Variants in BCL9L observed in about 807,000 individuals in gnomAD.
BCL9L encodes the protein BCL9 like.
BCL9L carries 19 observed loss-of-function variants against 99.4 expected under a neutral mutation model. That is an observed-to-expected ratio of 0.19 (90% confidence interval 0.13 to 0.28). The LOEUF (loss-of-function observed/expected upper bound fraction) is 0.28. Ranked by LOEUF, BCL9L falls within the 10% of genes least tolerant of loss-of-function variation. BCL9L has a pLI of 1.00. For missense variants in BCL9L, 2,023 were observed against 2,101.6 expected, an observed-to-expected ratio of 0.96 and a Z score of 0.73; for synonymous variants, 900 against 854.8, an observed-to-expected ratio of 1.05 and a Z score of -0.92.
At chr11:118,905,773 T>C (rs1043968731) in intron 5 of BCL9L, among the ~76,000 whole-genome samples, 16 of 152,140 alleles carry the variant, frequency 1.1e-4, no homozygotes, top group African/African-American at 3.6e-4. Context: ...GCCGAGTTCG[T>C]GCCATTGCAC....
At chr11:118,916,135 C>A (rs1166809365) in intron 2 of BCL9L, among the ~76,000 whole-genome samples, 1 of 152,226 alleles carries the variant, frequency 6.6e-6, no homozygotes. Context: ...ATGGCCCAGG[C>A]AGACCCTGAG....
At chr11:118,913,518 C>A (rs1940873243) in intron 2 of BCL9L, among the ~76,000 whole-genome samples, 1 of 152,144 alleles carries the variant, frequency 6.6e-6, no homozygotes, top group African/African-American at 2.4e-5. Context: ...GTGGGGTGCC[C>A]CCAAAGACAG....
rs1268089217 is a variant in BCL9L at position 118,922,066 on chromosome 11, A to C, written c.-131+3172T>G. On this transcript the variant is annotated intron_variant, in intron 1 of 9. Transcript: ENST00000683865. The surrounding 1 kb of genome is among the most constrained non-coding windows in gnomAD (Gnocchi z 6.2). The stretch of plus-strand genomic sequence containing the variant: ...GGCAGTGTAACACATGCCCACACCC[A>C]GGAAGTCGCCCCTCCCACGGCAGCC... Among the ~76,000 whole-genome samples the C allele has an allele frequency of 6.6e-6, 1 of 151,954 alleles. No individual in the cohort carries two copies. The highest frequency in any genetic ancestry group is 1.5e-5 in the Non-Finnish European group (1 of 67,958).
At chr11:118,918,003 C>T (rs552884450) in intron 2 of BCL9L, among the ~76,000 whole-genome samples, 1 of 152,340 alleles carries the variant, frequency 6.6e-6, no homozygotes, top group East Asian at 1.9e-4. Context: ...GCCAATGCTC[C>T]CCATCTCTTT....
rs143065470 is a variant in BCL9L at position 118,898,948 on chromosome 11, C to T, written c.3967G>A (p.Glu1323Lys). 1.4e-5 allele frequency: 23 copies of T among 1,612,374 alleles called. No individual in the cohort carries two copies. The highest frequency in any genetic ancestry group is 3.3e-5 in the South Asian group (3 of 90,962). The change falls in exon 10 of 10, where the codon GAG becomes AAG. Residue 1323 changes from glutamate to lysine, a missense_variant. Around this residue, in one of 3 missense-constraint regions of BCL9L, gnomAD observed 902 missense variants for 888.2 expected, o/e 1.02. Transcript: ENST00000683865. ...GGGATGATCCTCGACAAGTCGAACT[C>T]GGGGATCCCCGTTGGGGTGGGCCGG... ...VIRPTPTGIP[E>K]FDLSRIIPSE...
intron 3 of BCL9L, among the ~76,000 whole-genome samples, chr11:118,909,466 GC>G (rs1259157693): frequency 6.6e-6 from 1 of 152,164 alleles, no homozygotes; most frequent in Non-Finnish European, 1.5e-5. Context: ...ATTTATTTCA[GC>G]TCTGCTGTCC....
chr11:118,909,588 C>T (rs1011676186), intron 3 of BCL9L, among the ~76,000 whole-genome samples: 8 of 152,192 alleles, frequency 5.3e-5, no homozygotes, highest in African/African-American at 1.2e-4. Flanking sequence ...CCAGAGGCGG[C>T]CTTCGGACCC....
At position 118,902,563 on chromosome 11, in the gene BCL9L, C is replaced by A; in HGVS notation, c.1180G>T (p.Val394Leu). 6.2e-7 allele frequency: 1 copy of A among 1,601,442 alleles called. No individual in the cohort carries two copies. Among genetic ancestry groups the A allele is most frequent in the Non-Finnish European group, 8.5e-7 (1 of 1,179,874 alleles). ...AAPGNGQRSL[V>L]GSEGLSKEQL... ...TCTTTGGACAAGCCCTCTGAGCCCA[C>A]CAGGCTGCGCTGCCCATTTCCAGGG... Residue 394 changes from valine (V) to leucine (L), a missense_variant, in exon 8 of 10, where the codon GTG becomes TTG. Val to Leu is a conservative substitution (Grantham distance 32, BLOSUM62 1). This residue lies in a region of BCL9L where 1,116 missense variants were observed against 1,194.6 expected (regional missense o/e 0.93). Coordinates refer to ENST00000683865, the MANE Select transcript of BCL9L (RefSeq NM_001378213.1). The surrounding 1 kb of genome is among the most constrained non-coding windows in gnomAD (Gnocchi z 7.8).
Position 118,900,247 on chromosome 11 carries a change from G to A in BCL9L, c.3125-49C>T, listed in dbSNP as rs1026066590. The A allele has an allele frequency of 2.0e-6, 3 of 1,515,138 alleles. No homozygotes were observed. Among genetic ancestry groups the A allele is most frequent in the Admixed American group, 2.1e-5 (1 of 48,418 alleles). The allele number at this position is 1,515,138 out of a possible 1,614,324, so 93.9% of individuals were successfully genotyped here. On this transcript the variant is annotated intron_variant, in intron 8 of 9. Transcript: ENST00000683865. This position sits in a 1 kb window ranked among gnomAD's most constrained non-coding sequence, Gnocchi z 5.3. ...GAGCAGGGGTGACTGGGGAGGGGCA[G>A]ATGAGTTTGGCTGTGGATATGGGGA...
In BCL9L at chr11:118,908,642, TG is replaced by T; in HGVS notation, c.39del (p.Arg14GlyfsTer31). 1.9e-6 allele frequency: 3 copies of T among 1,609,964 alleles called. No homozygotes were observed. The highest frequency in any genetic ancestry group is 2.5e-6 in the Non-Finnish European group (3 of 1,178,154). ...GGGCTCCCTGGAGCTTCTCTCCTCC[TG>T]GGGTGGGGTAACCTGGGAGGAGGTG... ...ILANKTRLPH[P>X]RRREAPGSPP... On this transcript the variant is annotated frameshift_variant, in exon 4 of 10. Coordinates refer to ENST00000683865, the MANE Select transcript of BCL9L (RefSeq NM_001378213.1). LOFTEE classifies it high-confidence loss of function.
At position 118,901,665 on chromosome 11, in the gene BCL9L, C is replaced by T. The variant is rs375800295; in HGVS notation, c.2078G>A (p.Arg693His). The change falls in exon 8 of 10, where the codon CGC becomes CAC. Residue 693 changes from arginine to histidine, a missense_variant. Arg to His is a conservative substitution (Grantham distance 29). Around this residue, in one of 3 missense-constraint regions of BCL9L, gnomAD observed 1,116 missense variants for 1,194.6 expected, o/e 0.93. Transcript: ENST00000683865. This position sits in a 1 kb window ranked among gnomAD's most constrained non-coding sequence, Gnocchi z 6.6. ...LLEKRSMGMQ[R>H]PLGMAGSGMG... ...GCCACTGCCTGCCATGCCCAGGGGG[C>T]GCTGCATGCCCATCGACCGCTTCTC... 2.5e-6 allele frequency: 4 copies of T among 1,613,590 alleles called. No homozygotes were observed. The highest frequency in any genetic ancestry group is 1.1e-5 in the South Asian group (1 of 91,088).
chr11:118,902,653 G>A lies in BCL9L; in HGVS notation c.1090C>T (p.Pro364Ser), dbSNP rs375254127. 6 of 1,599,572 alleles carry A rather than the reference G, an allele frequency of 3.8e-6. No homozygotes were observed. In the African/African-American group the frequency reaches 5.3e-5, roughly 14 times the overall value. ...NTPTATTANN[P>S]LPPGGDPSSA... is the part of the protein sequence containing the mutation. ...CTGGGGTCTCCTCCAGGAGGCAGAG[G>A]GTTGTTGGCGGTGGTAGCCGTCGGG... is the stretch of plus-strand genomic sequence containing the variant. The change falls in exon 8 of 10, where the codon CCT becomes TCT. Residue 364 changes from proline (P) to serine (S), a missense_variant. By Grantham distance (74) the Pro-to-Ser change is moderately conservative. Around this residue, in one of 3 missense-constraint regions of BCL9L, gnomAD observed 1,116 missense variants for 1,194.6 expected, o/e 0.93. Coordinates refer to ENST00000683865, the MANE Select transcript of BCL9L (RefSeq NM_001378213.1). The surrounding 1 kb of genome is among the most constrained non-coding windows in gnomAD (Gnocchi z 7.8).
chr11:118,906,913 G>C (rs1167792193), intron 5 of BCL9L, among the ~76,000 whole-genome samples: 4 of 152,206 alleles, frequency 2.6e-5, no homozygotes, highest in Admixed American at 2.6e-4. Context: ...CCAGGGGCAG[G>C]GGTTACATCT....
In BCL9L at chr11:118,900,563, C is replaced by T. The variant is rs1940172939; in HGVS notation, c.3124+56G>A. On this transcript the variant is annotated intron_variant, in intron 8 of 9. Coordinates refer to ENST00000683865, the MANE Select transcript of BCL9L (RefSeq NM_001378213.1). The surrounding 1 kb of genome is among the most constrained non-coding windows in gnomAD (Gnocchi z 5.3). ...ACTCACTGCCCAGCCCCAGCATGGACACACTGCTCAGCGCCTGCCTGCCTG... is the reference window on the plus strand; with the variant it reads ...ACTCACTGCCCAGCCCCAGCATGGATACACTGCTCAGCGCCTGCCTGCCTG... The T allele has an allele frequency of 6.5e-7, 1 of 1,545,482 alleles. No individual in the cohort carries two copies.
Position 118,896,404 on chromosome 11 carries a change from C to A in BCL9L, c.*2011G>T, listed in dbSNP as rs553580654. Reference sequence around the variant, plus strand: ...AGAGGGGACGGAGAGGGCACTCGGCCCGCTGCAATCTGACCCCTCTCTCCT... The same window carrying A: ...AGAGGGGACGGAGAGGGCACTCGGCACGCTGCAATCTGACCCCTCTCTCCT... On this transcript the variant is annotated 3_prime_UTR_variant, in exon 10 of 10. Coordinates refer to ENST00000683865, the MANE Select transcript of BCL9L (RefSeq NM_001378213.1). 7 of 152,392 alleles carry A rather than the reference C, an allele frequency of 4.6e-5. No homozygotes were observed. The highest frequency in any genetic ancestry group is 1.7e-4 in the African/African-American group (7 of 41,530). The allele number at this position is 152,392 out of a possible 1,614,324, so 9.4% of individuals were successfully genotyped here.
In BCL9L at chr11:118,900,830, T is replaced by C; in HGVS notation, c.2913A>G (p.Gly971=). 1 of 1,613,148 alleles carries C rather than the reference T, an allele frequency of 6.2e-7. No homozygotes were observed. The highest frequency in any genetic ancestry group is 8.5e-7 in the Non-Finnish European group (1 of 1,179,488). ...MVPLPSANPP[G]PLKSPQVLGS... is the part of the protein sequence containing the mutation. ...CGAGGACCTGGGGCGACTTGAGAGG[T>C]CCTGGCGGGTTGGCAGAAGGCAAGG... The change falls in exon 8 of 10, where the codon GGA becomes GGG. Residue 971 remains glycine, a synonymous_variant. Coordinates refer to ENST00000683865, the MANE Select transcript of BCL9L (RefSeq NM_001378213.1). This position sits in a 1 kb window ranked among gnomAD's most constrained non-coding sequence, Gnocchi z 5.3.
chr11:118,915,604 C>T (rs889182006), intron 2 of BCL9L, among the ~76,000 whole-genome samples: 3 of 152,160 alleles, frequency 2.0e-5, no homozygotes, highest in African/African-American at 4.8e-5. Context: ...GGTGGCTGTC[C>T]ACTCTCTTAG....
At chr11:118,919,466 TTTAGCAATTCAGTAGG>T (rs2134441723) in intron 1 of BCL9L, among the ~76,000 whole-genome samples, 1 of 151,900 alleles carries the variant, frequency 6.6e-6, no homozygotes, top group East Asian at 1.9e-4. Context: ...AGGGAGTCGG[TTTAGCAATTCAGTAGG>T]AGGGGGCTGG....
Position 118,898,311 on chromosome 11 carries a change from C to CCCCCCCCCCCCCCCCCCCCCCCCAA in BCL9L, c.*103_*104insTTGGGGGGGGGGGGGGGGGGGGGGG. On this transcript the variant is annotated 3_prime_UTR_variant, in exon 10 of 10. Transcript: ENST00000683865. ...CTACACAAGCCCCCTCCCACCCCCT[C>CCCCCCCCCCCCCCCCCCCCCCCCAA]CACCCCACCCCGCGACCCAGGCCAT... 1.6e-6 allele frequency: 1 copy of CCCCCCCCCCCCCCCCCCCCCCCCAA among 638,132 alleles called. No individual in the cohort carries two copies. The highest frequency in any genetic ancestry group is 4.5e-5 in the East Asian group (1 of 22,242). The allele number at this position is 638,132 out of a possible 1,614,324, so 39.5% of individuals were successfully genotyped here. A position where few individuals can be genotyped will look rare whatever the true frequency, so the allele number is the denominator to read the frequency against.
Sources: allele counts gnomAD v4.1 joint callset (sites outside exome capture counted in the v4.1 genomes callset), GRCh38; gene constraint gnomAD v4.1.1; regional missense constraint gnomAD v4.1.1; non-coding constraint Gnocchi (gnomAD v3.1); transcripts MANE v1.5; gene names NCBI Gene and HGNC (gene_info 2026-07-23, HGNC 2026-07-21).